PHIP: variants seen among roughly 807,000 people sequenced by gnomAD.
PHIP encodes the protein PHIP subunit of CUL4-Ring ligase complex, also known as PH-interacting protein.
PHIP carries 54 observed loss-of-function variants against 236.8 expected under a neutral mutation model. That is an observed-to-expected ratio of 0.23 (90% CI 0.18 to 0.29). The LOEUF (loss-of-function observed/expected upper bound fraction) is 0.29. Ranked by LOEUF, PHIP falls within the 10% of genes least tolerant of loss-of-function variation. The pLI is 1.00. For synonymous variants in PHIP, 756 were observed against 718.9 expected (o/e 1.05, Z -0.83); for missense variants, 1,370 against 2,190.8 (o/e 0.63, Z 7.48).
chr6:79,076,355 A>C (rs1309277238), intron 4 of PHIP, among the ~76,000 whole-genome samples: 1 of 152,260 alleles, frequency 6.6e-6, no homozygotes, highest in Non-Finnish European at 1.5e-5. Flanking sequence ...AAACAGTTAC[A>C]AAAGCCTCAT....
In PHIP at chr6:78,956,605, T is replaced by C. The variant is rs183637477; in HGVS notation, c.3783-923A>G. ...ACGATGTGGCCCCAACTCAGATTTATAGCACTGTATCTCTACTGTGACTTC... is the reference window on the plus strand; with the variant it reads ...ACGATGTGGCCCCAACTCAGATTTACAGCACTGTATCTCTACTGTGACTTC... On this transcript the variant is annotated intron_variant, in intron 32 of 39. Coordinates refer to ENST00000275034, the MANE Select transcript of PHIP (RefSeq NM_017934.7). 1.5e-3 allele frequency: 222 copies of C among 152,268 alleles called. 1 individual carries two copies. Among genetic ancestry groups the C allele is most frequent in the African/African-American group, 5.0e-3 (206 of 41,572 alleles). 9.4% of individuals were successfully genotyped at this position (152,268 alleles called of 1,614,324 possible). A position where few individuals can be genotyped will look rare whatever the true frequency, so the allele number is the denominator to read the frequency against.
chr6:78,983,184 C>A, intron 22 of PHIP, 67 bp from the exon 23 acceptor site: 5 of 792,274 alleles, frequency 6.3e-6, no homozygotes, highest in Non-Finnish European at 9.7e-6. Context: ...TTTATAAAAA[C>A]GAAAAGAAAG....
chr6:79,002,465 T>G (rs1439725829), intron 16 of PHIP, among the ~76,000 whole-genome samples: 1 of 152,072 alleles, frequency 6.6e-6, no homozygotes, highest in Non-Finnish European at 1.5e-5. Context: ...AAACAACTCA[T>G]AAGTTTAACT....
chr6:78,988,683 T>G (rs1769020128), intron 20 of PHIP, among the ~76,000 whole-genome samples: 1 of 152,222 alleles, frequency 6.6e-6, no homozygotes, highest in Non-Finnish European at 1.5e-5. Flanking sequence ...GTTAAAGGCT[T>G]ATCATGGTTA....
chr6:79,004,420 G>T (rs1357163587), intron 15 of PHIP: 2 of 984,796 alleles, frequency 2.0e-6, no homozygotes, highest in African/African-American at 1.7e-5. Flanking sequence ...AGAACGAATG[G>T]GTTTCCTCCC....
intron 10 of PHIP, 50 bp downstream of exon 10, chr6:79,019,039 G>A: frequency 7.9e-7 from 1 of 1,259,824 alleles, no homozygotes; most frequent in Non-Finnish European, 1.2e-6. Context: ...CCACTATAAG[G>A]CTTCTAAATG....
intron 27 of PHIP, among the ~76,000 whole-genome samples, chr6:78,966,854 G>A (rs534512349): frequency 6.6e-6 from 1 of 152,180 alleles, no homozygotes; most frequent in African/African-American, 2.4e-5. Flanking sequence ...GGCTAGCATA[G>A]GCTAGAGCCT....
intron 4 of PHIP, among the ~76,000 whole-genome samples, chr6:79,063,527 C>T (rs991208200): frequency 6.6e-6 from 1 of 152,142 alleles, no homozygotes; most frequent in Non-Finnish European, 1.5e-5. Flanking sequence ...AGTGATTCTC[C>T]TGCCTCGCCT....
chr6:78,990,359 C>T (rs1769150311), intron 20 of PHIP, among the ~76,000 whole-genome samples: 1 of 152,166 alleles, frequency 6.6e-6, no homozygotes, highest in Non-Finnish European at 1.5e-5. Flanking sequence ...TTGAAATCTA[C>T]TGGGTGCAAC....
intron 7 of PHIP, among the ~76,000 whole-genome samples, chr6:79,038,652 T>C (rs558601195): frequency 7.3e-5 from 2 of 27,296 alleles, no homozygotes; most frequent in Admixed American, 6.5e-4. Flanking sequence ...AATTATTGAC[T>C]CTTCTTTTGT....
At chr6:78,947,288 T>C (rs1473174132) in intron 36 of PHIP, among the ~76,000 whole-genome samples, 1 of 152,194 alleles carries the variant, frequency 6.6e-6, no homozygotes, top group Non-Finnish European at 1.5e-5. Flanking sequence ...AAATTATATT[T>C]TTACTTATTT....
chr6:78,972,081 A>C (rs1562138179), intron 24 of PHIP, among the ~76,000 whole-genome samples: 2 of 152,166 alleles, frequency 1.3e-5, no homozygotes, highest in Non-Finnish European at 2.9e-5. Context: ...GGCAGGGCAC[A>C]GACAAACAAA....
intron 7 of PHIP, among the ~76,000 whole-genome samples, chr6:79,027,284 C>G (rs1771455323): frequency 6.6e-6 from 1 of 152,068 alleles, no homozygotes. Context: ...AAACACCCCC[C>G]AATTAACGAT....
chr6:79,054,048 AG>A (rs1245383667), intron 6 of PHIP, among the ~76,000 whole-genome samples: 6 of 151,974 alleles, frequency 3.9e-5, no homozygotes, highest in Non-Finnish European at 1.5e-5. Context: ...ATTTAAGCAG[AG>A]GAAAAAATAA....
chr6:78,955,776 G>T (rs1766382816), intron 32 of PHIP, 94 bp from the exon 33 acceptor site: 1 of 514,906 alleles, frequency 1.9e-6, no homozygotes, highest in African/African-American at 2.0e-5. Flanking sequence ...TAAGGTAAAA[G>T]TTGAAGCTGA....
In PHIP at chr6:78,962,028, T is replaced by C. The variant is rs79889341; in HGVS notation, c.3536-218A>G. On this transcript the variant is annotated intron_variant, in intron 30 of 39. Transcript: ENST00000275034. ...AATTCTAGGGGTATTGTTTTATTCA[T>C]AGGTTCACCGGGAGAAAGAAACAAA... Among the ~76,000 whole-genome samples, 660 of 152,232 alleles carry C rather than the reference T, an allele frequency of 4.3e-3. 2 individuals are homozygous for C. Among genetic ancestry groups the C allele is most frequent in the African/African-American group, 0.014 (597 of 41,538 alleles).
At chr6:79,024,713 G>A (rs186572874) in intron 9 of PHIP, among the ~76,000 whole-genome samples, 281 of 152,314 alleles carry the variant, frequency 1.8e-3, no homozygotes, top group African/African-American at 6.1e-3. Context: ...GCTGAGGCAG[G>A]AGAATGGTGT....
intron 6 of PHIP, among the ~76,000 whole-genome samples, chr6:79,054,342 CAAA>C (rs70977758): frequency 1.5e-5 from 2 of 133,734 alleles, no homozygotes; most frequent in Non-Finnish European, 1.6e-5. Flanking sequence ...ATCATTAAAC[CAAA>C]AAAAAAAAAG....
At chr6:79,069,657 C>T (rs577484780) in intron 4 of PHIP, among the ~76,000 whole-genome samples, 4 of 152,090 alleles carry the variant, frequency 2.6e-5, no homozygotes, top group South Asian at 2.1e-4. Flanking sequence ...CCCATCGACA[C>T]GTAGATTTGA....
Sources: allele counts gnomAD v4.1 joint callset (sites outside exome capture counted in the v4.1 genomes callset), GRCh38; gene constraint gnomAD v4.1.1; transcripts MANE v1.5; gene names NCBI Gene and HGNC (gene_info 2026-07-23, HGNC 2026-07-21).